ATP8B4: variants seen among roughly 807,000 people sequenced by gnomAD.
ATP8B4 encodes probable phospholipid-transporting ATPase IM.
A neutral mutation model predicts 145.6 loss-of-function variants in ATP8B4; 133 were observed. The observed-to-expected ratio is 0.91, with a 90% CI of 0.79 to 1.05. The LOEUF is 1.05. Ranked by LOEUF, ATP8B4 falls within the 50% of genes least tolerant of loss-of-function variation. The pLI is 0.00. For missense variants in ATP8B4, 1,458 were observed against 1,425.2 expected, an observed-to-expected ratio of 1.02 and a Z score of -0.37; for synonymous variants, 507 against 492.9, an observed-to-expected ratio of 1.03 and a Z score of -0.38.
chr15:49,990,232 G>C (rs1441126403), intron 9 of ATP8B4, among the ~76,000 whole-genome samples: 2 of 152,150 alleles, frequency 1.3e-5, no homozygotes, highest in Non-Finnish European at 2.9e-5. Flanking sequence ...TGAGGGGAAA[G>C]CTCTCTTAGG....
chr15:49,890,534 G>A (rs1232479307), intron 23 of ATP8B4, among the ~76,000 whole-genome samples: 1 of 152,196 alleles, frequency 6.6e-6, no homozygotes, highest in Non-Finnish European at 1.5e-5. Flanking sequence ...AACACATGGT[G>A]TTGGAGGCCA....
At chr15:49,991,340 T>G in intron 9 of ATP8B4, among the ~76,000 whole-genome samples, 1 of 152,324 alleles carries the variant, frequency 6.6e-6, no homozygotes, top group Middle Eastern at 3.4e-3. Context: ...ATACAAAATA[T>G]GTAAACTTGT....
chr15:49,928,867 G>C (rs746067070), intron 16 of ATP8B4, among the ~76,000 whole-genome samples: 3 of 152,072 alleles, frequency 2.0e-5, no homozygotes, highest in South Asian at 2.1e-4. Flanking sequence ...AGATGGATTA[G>C]AGAAATGTCT....
chr15:50,018,075 C>G (rs568241670), intron 6 of ATP8B4, among the ~76,000 whole-genome samples: 48 of 150,670 alleles, frequency 3.2e-4, no homozygotes, highest in Admixed American at 2.6e-3. Context: ...GCACCCTTGA[C>G]CTCCTGGGTT....
intron 1 of ATP8B4, among the ~76,000 whole-genome samples, chr15:50,138,994 G>A (rs779380624): frequency 8.5e-5 from 13 of 152,192 alleles, no homozygotes; most frequent in Non-Finnish European, 1.8e-4. Context: ...TGGTGGGAGT[G>A]TAAATTAGTT....
At chr15:49,871,431 T>C (rs1283697967) in intron 25 of ATP8B4, among the ~76,000 whole-genome samples, 1 of 152,198 alleles carries the variant, frequency 6.6e-6, no homozygotes, top group Non-Finnish European at 1.5e-5. Context: ...GGCAAGTCAT[T>C]TAACCTCTCT....
At chr15:49,948,103 T>C (rs2042733966) in intron 14 of ATP8B4, among the ~76,000 whole-genome samples, 1 of 151,948 alleles carries the variant, frequency 6.6e-6, no homozygotes, top group South Asian at 2.1e-4. Flanking sequence ...GCACAGACAA[T>C]GAAAGCAAAA....
intron 20 of ATP8B4, among the ~76,000 whole-genome samples, chr15:49,901,470 T>G (rs991835816): frequency 3.9e-5 from 6 of 152,168 alleles, no homozygotes; most frequent in Non-Finnish European, 8.8e-5. Context: ...TACAATATCT[T>G]GAATGTTTAA....
At chr15:49,917,628 A>T (rs2039875187) in intron 19 of ATP8B4, among the ~76,000 whole-genome samples, 1 of 152,210 alleles carries the variant, frequency 6.6e-6, no homozygotes, top group Non-Finnish European at 1.5e-5. Context: ...AGAGAACTGG[A>T]GAATCAGATG....
chr15:50,157,625 AT>A lies in ATP8B4; in HGVS notation c.-43+24635del, dbSNP rs752008364. Among the ~76,000 whole-genome samples, 5 of 151,422 alleles carry A rather than the reference AT, an allele frequency of 3.3e-5. No homozygotes were observed. In the East Asian group the frequency reaches 7.7e-4, roughly 23 times the overall value. ...TTTGTGGTTCCATATAAATTTTAGGATTTTTTTTTCTATACCTGTGAAGAAT... is the reference window on the plus strand; with the variant it reads ...TTTGTGGTTCCATATAAATTTTAGGATTTTTTTTCTATACCTGTGAAGAAT... On this transcript the variant is annotated intron_variant, in intron 1 of 3. Coordinates refer to the ATP8B4 transcript ENST00000558829.
At chr15:50,033,107 A>C (rs17497829) in intron 6 of ATP8B4, among the ~76,000 whole-genome samples, 8,860 of 152,308 alleles carry the variant, frequency 0.058, 325 homozygotes, top group South Asian at 0.12. Flanking sequence ...CCAGACTTGG[A>C]AAGTGCAGAG....
At chr15:50,098,856 T>C (rs1205474462) in intron 2 of ATP8B4, among the ~76,000 whole-genome samples, 2 of 152,168 alleles carry the variant, frequency 1.3e-5, no homozygotes, top group African/African-American at 4.8e-5. Context: ...ACTGTTTCAA[T>C]TTTCATTTAT....
intron 23 of ATP8B4, chr15:49,895,626 T>A (rs1033997439): frequency 6.6e-6 from 1 of 152,234 alleles, no homozygotes; most frequent in Non-Finnish European, 1.5e-5. Context: ...AAGCTGCTCA[T>A]GTCTTTGGGG....
upstream of ATP8B4, among the ~76,000 whole-genome samples, chr15:50,121,220 T>C (rs1444575067): frequency 6.6e-6 from 1 of 152,116 alleles, no homozygotes; most frequent in Non-Finnish European, 1.5e-5. Context: ...GTGTCCATAA[T>C]AAGCACTCAT....
At chr15:50,129,349 G>C (rs1400628642) in intron 1 of ATP8B4, among the ~76,000 whole-genome samples, 1 of 152,186 alleles carries the variant, frequency 6.6e-6, no homozygotes, top group Non-Finnish European at 1.5e-5. Context: ...TGTTGGCAAA[G>C]CTGGTTTCTT....
At chr15:50,082,231 A>G (rs571455168) in intron 2 of ATP8B4, among the ~76,000 whole-genome samples, 1 of 152,358 alleles carries the variant, frequency 6.6e-6, no homozygotes, top group East Asian at 1.9e-4. Flanking sequence ...TCAGCCTCCA[A>G]GATTTCCTGA....
intron 6 of ATP8B4, among the ~76,000 whole-genome samples, chr15:50,015,556 C>T (rs1336439513): frequency 6.6e-6 from 1 of 152,128 alleles, no homozygotes; most frequent in Non-Finnish European, 1.5e-5. Context: ...CCCTAAGGAG[C>T]TGAAAGGACC....
At chr15:49,936,932 T>A (rs1360958283) in intron 14 of ATP8B4, among the ~76,000 whole-genome samples, 5 of 151,972 alleles carry the variant, frequency 3.3e-5, no homozygotes, top group African/African-American at 4.8e-5. Flanking sequence ...TTTTTTTTTT[T>A]AATTTCCAGG....
chr15:49,984,621 C>A (rs1311868468), intron 10 of ATP8B4, among the ~76,000 whole-genome samples: 3 of 152,126 alleles, frequency 2.0e-5, no homozygotes, highest in African/African-American at 7.2e-5. Context: ...CACAAGAATG[C>A]AGCCTGGAGG....
Sources: allele counts gnomAD v4.1 joint callset (sites outside exome capture counted in the v4.1 genomes callset), GRCh38; gene constraint gnomAD v4.1.1; transcripts MANE v1.5; gene names NCBI Gene and HGNC (gene_info 2026-07-23, HGNC 2026-07-21).